TANK: variants seen among roughly 807,000 people sequenced by gnomAD.
The protein encoded by TANK is TRAF family member associated NFKB activator.
Under a neutral mutation model 43.6 loss-of-function variants are expected in TANK, and 15 were observed. The observed-to-expected ratio is 0.34, with a 90% CI of 0.23 to 0.53. The LOEUF (loss-of-function observed/expected upper bound fraction) is 0.53, where lower values mean the gene tolerates loss of function less well. TANK is among the 20% of genes least tolerant of loss of function. The pLI is 0.94. For missense variants in TANK, 417 were observed against 498.6 expected, an observed-to-expected ratio of 0.84 and a Z score of 1.56; for synonymous variants, 162 against 178.2, an observed-to-expected ratio of 0.91 and a Z score of 0.73.
chr2:161,199,771 T>C (rs1219036678), intron 2 of TANK, among the ~76,000 whole-genome samples: 1 of 152,162 alleles, frequency 6.6e-6, no homozygotes, highest in Non-Finnish European at 1.5e-5. Context: ...GGGCCAGGCA[T>C]GGTGGCTCAT....
intron 4 of TANK, among the ~76,000 whole-genome samples, chr2:161,218,432 G>C (rs112636860): frequency 6.6e-6 from 1 of 152,294 alleles, no homozygotes; most frequent in African/African-American, 2.4e-5. Context: ...GGGCAAAAAG[G>C]CTTGTGTTCC....
intron 1 of TANK, among the ~76,000 whole-genome samples, chr2:161,146,697 C>T (rs1471475278): frequency 1.3e-5 from 2 of 152,196 alleles, no homozygotes; most frequent in Non-Finnish European, 2.9e-5. Context: ...ATGCCTGCTC[C>T]TTCCTCTGGG....
intron 1 of TANK, among the ~76,000 whole-genome samples, chr2:161,154,562 GAGAT>G (rs1185201543): frequency 2.0e-5 from 3 of 152,164 alleles, no homozygotes; most frequent in African/African-American, 4.8e-5. Context: ...GGTAGGAATG[GAGAT>G]AGATAGTAGC....
intron 2 of TANK, among the ~76,000 whole-genome samples, chr2:161,198,845 C>T (rs1686275508): frequency 6.6e-6 from 1 of 152,162 alleles, no homozygotes; most frequent in African/African-American, 2.4e-5. Context: ...GAAATCTGAT[C>T]TGTCAAATTG....
At chr2:161,159,443 A>T (rs1416474885), upstream of TANK, among the ~76,000 whole-genome samples, 1 of 152,250 alleles carries the variant, frequency 6.6e-6, no homozygotes, top group Non-Finnish European at 1.5e-5. Flanking sequence ...TGTTTAACTC[A>T]ATTACTTATT....
chr2:161,160,194 A>G (rs1684341204), upstream of TANK: 2 of 383,796 alleles, frequency 5.2e-6, no homozygotes, highest in East Asian at 7.4e-5. Flanking sequence ...TACACTTGAC[A>G]TAGGATTCTC....
At chr2:161,212,840 T>C in intron 4 of TANK, 1 of 902,794 alleles carries the variant, frequency 1.1e-6, no homozygotes, top group Non-Finnish European at 1.3e-6. Context: ...TCTTAGTCTG[T>C]ATTGCTGTAA....
intron 1 of TANK, among the ~76,000 whole-genome samples, chr2:161,167,262 G>A (rs1377847396): frequency 6.6e-6 from 1 of 152,208 alleles, no homozygotes; most frequent in East Asian, 1.9e-4. Context: ...GAATTCCAAT[G>A]TATATATACA....
chr2:161,139,757 C>CA (rs1235019704), intron 1 of TANK: 1 of 985,154 alleles, frequency 1.0e-6, no homozygotes, highest in Non-Finnish European at 1.2e-6. Flanking sequence ...AGAATGAAAA[C>CA]AATGTGACAT....
chr2:161,186,283 A>G (rs957884817), intron 2 of TANK, among the ~76,000 whole-genome samples: 16 of 152,338 alleles, frequency 1.1e-4, no homozygotes, highest in African/African-American at 3.8e-4. Context: ...CTACCACTCT[A>G]TTCTCTCACA....
intron 2 of TANK, among the ~76,000 whole-genome samples, chr2:161,193,363 G>A (rs557771954): frequency 1.3e-5 from 2 of 152,222 alleles, no homozygotes; most frequent in African/African-American, 4.8e-5. Flanking sequence ...CCCTGAATTG[G>A]TTATTATATA....
At chr2:161,230,939 G>C (rs1202577005) in intron 6 of TANK, 32 bp from the exon 7 acceptor site, 1 of 1,516,818 alleles carries the variant, frequency 6.6e-7, no homozygotes, top group Admixed American at 1.7e-5. Flanking sequence ...TTTGAATGCG[G>C]CTGTTTCTCT....
chr2:161,161,562 C>T, intron 1 of TANK: 2 of 1,342,566 alleles, frequency 1.5e-6, no homozygotes, highest in Non-Finnish European at 2.0e-6. Flanking sequence ...CCTTCCACAT[C>T]TTTCCTGTAT....
intron 1 of TANK, among the ~76,000 whole-genome samples, chr2:161,146,772 G>T (rs1683922521): frequency 6.6e-6 from 1 of 152,306 alleles, no homozygotes; most frequent in South Asian, 2.1e-4. Flanking sequence ...GGTGTCTGAT[G>T]ACCCCTGTTG....
intron 4 of TANK, among the ~76,000 whole-genome samples, chr2:161,206,959 T>G (rs902252765): frequency 1.3e-5 from 2 of 152,098 alleles, no homozygotes; most frequent in African/African-American, 4.8e-5. Flanking sequence ...GTTTTGAAAA[T>G]AAAACCTTGG....
At chr2:161,170,954 G>C (rs1405637547) in intron 1 of TANK, among the ~76,000 whole-genome samples, 6 of 152,196 alleles carry the variant, frequency 3.9e-5, no homozygotes, top group Admixed American at 3.3e-4. Context: ...ACAAGATGTG[G>C]TATAGTTAAA....
chr2:161,161,166 T>C, intron 1 of TANK: 1 of 1,455,650 alleles, frequency 6.9e-7, no homozygotes, highest in Non-Finnish European at 9.1e-7. Flanking sequence ...AAGCTGTGCT[T>C]TTCTAGAAGT....
intron 1 of TANK, among the ~76,000 whole-genome samples, chr2:161,168,534 G>GA (rs1684797870): frequency 6.6e-6 from 1 of 151,938 alleles, no homozygotes. Context: ...TTTTCAAAGA[G>GA]AAAAAAATCG....
At chr2:161,211,792 G>C (rs1686900597) in intron 4 of TANK, 6 of 985,444 alleles carry the variant, frequency 6.1e-6, no homozygotes, top group Non-Finnish European at 7.2e-6. Flanking sequence ...CTGGGGCTTA[G>C]AGAACTGGAG....
Sources: allele counts gnomAD v4.1 joint callset (sites outside exome capture counted in the v4.1 genomes callset), GRCh38; gene constraint gnomAD v4.1.1; transcripts MANE v1.5; gene names NCBI Gene and HGNC (gene_info 2026-07-23, HGNC 2026-07-21).